FAM81B: variants seen among roughly 807,000 people sequenced by gnomAD.
FAM81B encodes protein FAM81B.
In FAM81B, 60 loss-of-function variants were observed where a neutral mutation model predicts 58.7. The ratio of observed to expected loss-of-function variants is 1.02; its 90% CI spans 0.83 to 1.27. FAM81B has a LOEUF of 1.27. FAM81B is among the 50% of genes most tolerant of loss of function. The pLI, the probability that FAM81B is intolerant of heterozygous loss-of-function variation, is 0.00. For synonymous variants in FAM81B, 189 were observed against 179.6 expected (o/e 1.05, Z -0.42); for missense variants, 491 against 522.0 (o/e 0.94, Z 0.58).
chr5:95,432,045 T>C lies in FAM81B; in HGVS notation c.786+3313T>C, dbSNP rs940025471. 1.1e-4 allele frequency among the ~76,000 whole-genome samples: 16 copies of C among 152,198 alleles called. 1 individual carries two copies. The East Asian group carries it at 2.9e-3, about 28-fold the overall frequency. The stretch of plus-strand genomic sequence containing the variant: ...CTTTAACTGTCCTGTGTTTCCCTTA[T>C]GATGGGGAAAGTAAGTTTCCCCATT... On this transcript the variant is annotated intron_variant, in intron 6 of 9. Coordinates refer to ENST00000283357, the MANE Select transcript of FAM81B (RefSeq NM_152548.3).
intron 5 of FAM81B, among the ~76,000 whole-genome samples, chr5:95,422,482 C>G (rs1383843075): frequency 2.0e-5 from 3 of 152,026 alleles, no homozygotes; most frequent in South Asian, 2.1e-4. Flanking sequence ...AACATGGTTT[C>G]TTTGTTTGTT....
Position 95,448,354 on chromosome 5 carries a change from C to T in FAM81B, c.1115C>T (p.Thr372Ile). The T allele has an allele frequency of 1.2e-6, 2 of 1,612,588 alleles. No homozygotes were observed. The highest frequency in any genetic ancestry group is 1.7e-6 in the Non-Finnish European group (2 of 1,179,538). ...ENFINTQKQE[T>I]QLSKVKHMEN... Reference sequence around the variant, plus strand: ...TTCATTAACACACAGAAACAGGAAACACAACTAAGTAAAGTAAAGCATATG... The same window carrying T: ...TTCATTAACACACAGAAACAGGAAATACAACTAAGTAAAGTAAAGCATATG... The change falls in exon 9 of 10, where the codon ACA becomes ATA. Residue 372 changes from threonine to isoleucine, a missense_variant. Transcript: ENST00000283357.
At chr5:95,409,234 C>T (rs534137761) in intron 3 of FAM81B, among the ~76,000 whole-genome samples, 20 of 152,264 alleles carry the variant, frequency 1.3e-4, no homozygotes, top group Middle Eastern at 6.8e-3. Context: ...TCTCGGCTCA[C>T]TGCAACCTCC....
At chr5:95,426,586 A>G (rs759128870) in intron 5 of FAM81B, among the ~76,000 whole-genome samples, 3 of 152,166 alleles carry the variant, frequency 2.0e-5, no homozygotes, top group East Asian at 1.9e-4. Context: ...ACAGCCACTT[A>G]CAGTTTTGAA....
At chr5:95,403,216 T>C (rs1762159358) in intron 3 of FAM81B, among the ~76,000 whole-genome samples, 2 of 152,322 alleles carry the variant, frequency 1.3e-5, no homozygotes, top group African/African-American at 4.8e-5. Flanking sequence ...AGGTTTGTGT[T>C]GGAGTGGAGT....
chr5:95,416,903 G>A (rs1479844759), intron 4 of FAM81B, among the ~76,000 whole-genome samples: 1 of 152,196 alleles, frequency 6.6e-6, no homozygotes, highest in East Asian at 1.9e-4. Flanking sequence ...AATTAGCTGG[G>A]TAGGGTAGTG....
intron 5 of FAM81B, among the ~76,000 whole-genome samples, chr5:95,421,873 G>C (rs1279049615): frequency 1.3e-5 from 2 of 152,224 alleles, no homozygotes; most frequent in African/African-American, 4.8e-5. Context: ...GTCAAGGATA[G>C]TGACCAAAGT....
intron 6 of FAM81B, among the ~76,000 whole-genome samples, chr5:95,432,240 A>G (rs1298833417): frequency 6.6e-6 from 1 of 152,118 alleles, no homozygotes; most frequent in Non-Finnish European, 1.5e-5. Context: ...TCTAAAATAA[A>G]TTACACTCAT....
chr5:95,407,408 A>ACACACACG (rs763715095), intron 3 of FAM81B, among the ~76,000 whole-genome samples: 7 of 147,306 alleles, frequency 4.8e-5, no homozygotes, highest in African/African-American at 1.8e-4. Flanking sequence ...ACACACACAC[A>ACACACACG]CGCACACACA....
intron 3 of FAM81B, among the ~76,000 whole-genome samples, chr5:95,409,094 G>C (rs1356877691): frequency 6.6e-6 from 1 of 152,190 alleles, no homozygotes; most frequent in Non-Finnish European, 1.5e-5. Flanking sequence ...ATGTTACAAT[G>C]ACATTTTAGA....
At chr5:95,409,809 A>C (rs1242895474) in intron 3 of FAM81B, among the ~76,000 whole-genome samples, 1 of 152,204 alleles carries the variant, frequency 6.6e-6, no homozygotes, top group African/African-American at 2.4e-5. Context: ...TTAGCTACAG[A>C]TTAATCCTCA....
At position 95,426,819 on chromosome 5, in the gene FAM81B, C is replaced by T. The variant is rs145581854; in HGVS notation, c.657-1784C>T. 9.9e-3 allele frequency among the ~76,000 whole-genome samples: 1,510 copies of T among 152,210 alleles called. 8 individuals are homozygous for T. Among genetic ancestry groups the T allele is most frequent in the African/African-American group, 0.012 (488 of 41,560 alleles). The stretch of plus-strand genomic sequence containing the variant: ...ATCCCAGCACTTTGGGAGGCTGAGG[C>T]GGGCCGATCACGAGGTCAGGAGCTC... On this transcript the variant is annotated intron_variant, in intron 5 of 9. Transcript: ENST00000283357.
chr5:95,432,904 T>C (rs2152767917), intron 6 of FAM81B, among the ~76,000 whole-genome samples: 1 of 152,298 alleles, frequency 6.6e-6, no homozygotes, highest in South Asian at 2.1e-4. Context: ...CTTTTCTTTT[T>C]CCTTGCCTGC....
In FAM81B at chr5:95,448,303, T is replaced by C. The variant is rs202182153; in HGVS notation, c.1064T>C (p.Leu355Pro). ...GAAAATAAAATGGAAGAAAAACTGC[T>C]GCAGCTTTCAAGCAAAGTAGAGAAT... ...KSENKMEEKL[L>P]QLSSKVENFI... is the part of the protein sequence containing the mutation. Residue 355 changes from leucine (L) to proline (P), a missense_variant, in exon 9 of 10, where the codon CTG becomes CCG. Physicochemically the swap from Leu to Pro is moderately conservative, Grantham distance 98. Transcript: ENST00000283357. The C allele has an allele frequency of 9.1e-5, 147 of 1,606,602 alleles. No homozygotes were observed. The African/African-American group carries it at 1.7e-3, about 19-fold the overall frequency.
intron 3 of FAM81B, among the ~76,000 whole-genome samples, chr5:95,407,892 C>T (rs957014790): frequency 2.0e-5 from 3 of 152,162 alleles, no homozygotes; most frequent in African/African-American, 4.8e-5. Flanking sequence ...CAAAACTCAG[C>T]GGCATAAAAC....
chr5:95,440,243 T>A, intron 7 of FAM81B: 1 of 706,470 alleles, frequency 1.4e-6, no homozygotes, highest in Non-Finnish European at 2.6e-6. Flanking sequence ...GGCTTGAATA[T>A]GGAGATAATG....
chr5:95,414,632 G>A (rs973210361), intron 4 of FAM81B, among the ~76,000 whole-genome samples: 1 of 152,072 alleles, frequency 6.6e-6, no homozygotes, highest in African/African-American at 2.4e-5. Flanking sequence ...GGCCACACTG[G>A]CCTCCCAGCT....
At chr5:95,413,655 T>G (rs1440716893) in intron 3 of FAM81B, among the ~76,000 whole-genome samples, 1 of 152,196 alleles carries the variant, frequency 6.6e-6, no homozygotes, top group Non-Finnish European at 1.5e-5. Flanking sequence ...AGTAGAATTT[T>G]CATAAGGGGT....
chr5:95,392,516 T>C (rs1452826296), intron 1 of FAM81B, among the ~76,000 whole-genome samples: 1 of 152,126 alleles, frequency 6.6e-6, no homozygotes, highest in African/African-American at 2.4e-5. Context: ...AAAAAATACA[T>C]TCCTGATTAT....
Sources: allele counts gnomAD v4.1 joint callset (sites outside exome capture counted in the v4.1 genomes callset), GRCh38; gene constraint gnomAD v4.1.1; transcripts MANE v1.5; gene names NCBI Gene and HGNC (gene_info 2026-07-23, HGNC 2026-07-21).